SMARCA4: variants seen among roughly 807,000 people sequenced by gnomAD.
The protein encoded by SMARCA4 is SWI/SNF related BAF chromatin remodeling complex subunit ATPase 4, also known as SWI/SNF-related matrix-associated actin-dependent regulator of chromatin subfamily A member 4.
Under a neutral mutation model 193.9 loss-of-function variants are expected in SMARCA4, and 31 were observed. The observed-to-expected ratio is 0.16, with a 90% CI of 0.12 to 0.22. The LOEUF (loss-of-function observed/expected upper bound fraction) is 0.22, where lower values mean the gene tolerates loss of function less well. SMARCA4 is among the 10% of genes least tolerant of loss of function. SMARCA4 has a pLI of 1.00. For synonymous variants in SMARCA4, 942 were observed against 933.1 expected (o/e 1.01, Z -0.17); for missense variants, 1,148 against 2,296.0 (o/e 0.50, Z 10.22).
chr19:10,987,978 C>T lies in SMARCA4; in HGVS notation c.1118+54C>T, dbSNP rs2086216317. Reference sequence around the variant, plus strand: ...ACTGCCCTGTGTCCCCCATGTCCCCCTGGGGAAGCCACTCAACTTTCTCCC... The same window carrying T: ...ACTGCCCTGTGTCCCCCATGTCCCCTTGGGGAAGCCACTCAACTTTCTCCC... On this transcript the variant is annotated intron_variant, in intron 6 of 34. Transcript: ENST00000344626. This position sits in a 1 kb window ranked among gnomAD's most constrained non-coding sequence, Gnocchi z 5.3. 2 of 1,582,914 alleles carry T rather than the reference C, an allele frequency of 1.3e-6. No homozygotes were observed. Among genetic ancestry groups the T allele is most frequent in the Non-Finnish European group, 1.7e-6 (2 of 1,157,954 alleles).
chr19:10,987,404 G>T lies in SMARCA4; in HGVS notation c.860-262G>T, dbSNP rs1332219697. The stretch of plus-strand genomic sequence containing the variant: ...CTAGGAGGAGATGACAGGAAATGCT[G>T]CCATAGAGCCACAGACAGAACAAAA... On this transcript the variant is annotated intron_variant, in intron 5 of 34. Transcript: ENST00000344626. The surrounding 1 kb of genome is among the most constrained non-coding windows in gnomAD (Gnocchi z 5.3). Among the ~76,000 whole-genome samples the T allele has an allele frequency of 6.6e-6, 1 of 152,180 alleles. No homozygotes were observed. The highest frequency in any genetic ancestry group is 1.9e-4 in the East Asian group (1 of 5,192).
chr19:10,985,763 G>A lies in SMARCA4; in HGVS notation c.355+358G>A, dbSNP rs951388334. Among the ~76,000 whole-genome samples, 99 of 152,152 alleles carry A rather than the reference G, an allele frequency of 6.5e-4. No individual in the cohort carries two copies. Among genetic ancestry groups the A allele is most frequent in the African/African-American group, 2.3e-3 (97 of 41,416 alleles). ...AATGAGCCCAGCAGGTGCCTTTTCTGTACGAGGACAATTGAGAAGTGATAT... is the reference window on the plus strand; with the variant it reads ...AATGAGCCCAGCAGGTGCCTTTTCTATACGAGGACAATTGAGAAGTGATAT... On this transcript the variant is annotated intron_variant, in intron 3 of 34. Coordinates refer to ENST00000344626, the MANE Select transcript of SMARCA4 (RefSeq NM_003072.5). The surrounding 1 kb of genome is among the most constrained non-coding windows in gnomAD (Gnocchi z 4.5).
At chr19:11,008,205 G>A in intron 14 of SMARCA4, 182 bp downstream of exon 14, 1 of 631,268 alleles carries the variant, frequency 1.6e-6, no homozygotes, top group Non-Finnish European at 2.9e-6. Context: ...GGATTTAATA[G>A]AGCAATTGCA....
At chr19:11,017,197 C>G (rs115929340) in intron 16 of SMARCA4, among the ~76,000 whole-genome samples, 2 of 152,238 alleles carry the variant, frequency 1.3e-5, no homozygotes, top group Non-Finnish European at 2.9e-5. Context: ...CCTGTGTGTG[C>G]GCCCATTCTC....
rs2145723182 is a variant in SMARCA4, at chr19:10,984,250, T to C, written c.99T>C (p.Gly33=). The C allele has an allele frequency of 6.2e-7, 1 of 1,612,006 alleles. No homozygotes were observed. The highest frequency in any genetic ancestry group is 8.5e-7 in the Non-Finnish European group (1 of 1,179,376). ...GAGCCATGCTGGGCCCTAGCCCGGG[T>C]CCCTCGCCGGGCTCCGCCCACAGCA... ...SPGAMLGPSP[G]PSPGSAHSMM... is the part of the protein sequence containing the mutation. The change falls in exon 2 of 35, where the codon GGT becomes GGC. Residue 33 remains glycine, a synonymous_variant. Coordinates refer to ENST00000344626, the MANE Select transcript of SMARCA4 (RefSeq NM_003072.5). The surrounding 1 kb of genome is among the most constrained non-coding windows in gnomAD (Gnocchi z 4.3).
chr19:11,031,104 C>T lies in SMARCA4; in HGVS notation c.3546+211C>T. The stretch of plus-strand genomic sequence containing the variant: ...CCCAAAATACAAACAGCCTTTCCCT[C>T]TGATTGGGAAAGCAGTGTATAAGCC... On this transcript the variant is annotated intron_variant, in intron 25 of 34. Coordinates refer to ENST00000344626, the MANE Select transcript of SMARCA4 (RefSeq NM_003072.5). This position sits in a 1 kb window ranked among gnomAD's most constrained non-coding sequence, Gnocchi z 4.3. 1 of 612,506 alleles carries T rather than the reference C, an allele frequency of 1.6e-6. No individual in the cohort carries two copies. Among genetic ancestry groups the T allele is most frequent in the Non-Finnish European group, 2.9e-6 (1 of 339,644 alleles). 37.9% of individuals were successfully genotyped at this position (612,506 alleles called of 1,614,324 possible). A position where few individuals can be genotyped will look rare whatever the true frequency, so the allele number is the denominator to read the frequency against.
In SMARCA4 at chr19:10,987,527, G is replaced by T; in HGVS notation, c.860-139G>T. 1 of 931,502 alleles carries T rather than the reference G, an allele frequency of 1.1e-6. No homozygotes were observed. The highest frequency in any genetic ancestry group is 1.7e-6 in the Non-Finnish European group (1 of 590,844). The allele number at this position is 931,502 out of a possible 1,614,324, so 57.7% of individuals were successfully genotyped here. A position where few individuals can be genotyped will look rare whatever the true frequency, so the allele number is the denominator to read the frequency against. ...GTTGGAGCCCAAGGCAGGTGTGAAG[G>T]ACACCCCTGGGTGAAAGGTGGGAGA... On this transcript the variant is annotated intron_variant, in intron 5 of 34. Transcript: ENST00000344626. The surrounding 1 kb of genome is among the most constrained non-coding windows in gnomAD (Gnocchi z 5.3).
At chr19:11,047,347 G>A (rs575501762) in intron 30 of SMARCA4, among the ~76,000 whole-genome samples, 41 of 152,150 alleles carry the variant, frequency 2.7e-4, no homozygotes, top group Admixed American at 4.6e-4. Flanking sequence ...TGAAGACAGC[G>A]CTGATGTTCC....
intron 1 of SMARCA4, among the ~76,000 whole-genome samples, chr19:10,974,657 A>G (rs1599854084): frequency 9.5e-6 from 1 of 104,944 alleles, no homozygotes; most frequent in Non-Finnish European, 1.8e-5. Context: ...CTATGCATGG[A>G]TTAACATGCA....
chr19:10,963,310 C>T (rs1001309765), intron 1 of SMARCA4, among the ~76,000 whole-genome samples: 2 of 144,778 alleles, frequency 1.4e-5, no homozygotes, highest in African/African-American at 5.2e-5. Flanking sequence ...GAGGTGGAGG[C>T]TGCAGTGAGC....
At chr19:10,978,780 A>AAAAAAT (rs2085333697) in intron 1 of SMARCA4, among the ~76,000 whole-genome samples, 1 of 148,152 alleles carries the variant, frequency 6.7e-6, no homozygotes, top group African/African-American at 2.5e-5. Context: ...AAATACAAAA[A>AAAAAAT]ATATATATAT....
Position 11,019,157 on chromosome 19 carries a change from C to T in SMARCA4, c.2505+134C>T. The T allele has an allele frequency of 1.3e-6, 1 of 752,966 alleles. No homozygotes were observed. Among genetic ancestry groups the T allele is most frequent in the Non-Finnish European group, 2.4e-6 (1 of 419,500 alleles). The allele number at this position is 752,966 out of a possible 1,614,324, so 46.6% of individuals were successfully genotyped here. The stretch of plus-strand genomic sequence containing the variant: ...CAGTCGCATGGAGTCTCCAGGACAG[C>T]CTGGAACTCCAGTCACATGGATCCG... On this transcript the variant is annotated intron_variant, in intron 17 of 34. Transcript: ENST00000344626. This position sits in a 1 kb window ranked among gnomAD's most constrained non-coding sequence, Gnocchi z 6.1.
At position 11,031,098 on chromosome 19, in the gene SMARCA4, T is replaced by C. The variant is rs2074898077; in HGVS notation, c.3546+205T>C. 1.6e-6 allele frequency: 1 copy of C among 615,402 alleles called. No homozygotes were observed. The highest frequency in any genetic ancestry group is 2.9e-5 in the East Asian group (1 of 35,034). The allele number at this position is 615,402 out of a possible 1,614,324, so 38.1% of individuals were successfully genotyped here. On this transcript the variant is annotated intron_variant, in intron 25 of 34. Transcript: ENST00000344626. This position sits in a 1 kb window ranked among gnomAD's most constrained non-coding sequence, Gnocchi z 4.3. ...CTGTTTCCCAAAATACAAACAGCCT[T>C]TCCCTCTGATTGGGAAAGCAGTGTA...
chr19:11,013,328 T>G (rs1474675996), intron 16 of SMARCA4, among the ~76,000 whole-genome samples: 1 of 152,242 alleles, frequency 6.6e-6, no homozygotes, highest in Non-Finnish European at 1.5e-5. Context: ...TGTATCTCAC[T>G]GTGTCTTCAC....
intron 30 of SMARCA4, among the ~76,000 whole-genome samples, chr19:11,052,271 A>G (rs766449017): frequency 3.3e-5 from 5 of 152,222 alleles, no homozygotes; most frequent in Non-Finnish European, 5.9e-5. Context: ...AGATCAAAGA[A>G]TAGAAAGGTG....
In SMARCA4 at chr19:11,058,273, C is replaced by T. The variant is rs1600629850; in HGVS notation, c.4443C>T (p.Leu1481=). 1.2e-6 allele frequency: 2 copies of T among 1,612,852 alleles called. No individual in the cohort carries two copies. The highest frequency in any genetic ancestry group is 2.2e-5 in the East Asian group (1 of 44,876). Residue 1481 remains leucine, a synonymous_variant, in exon 31 of 35, where the codon CTC becomes CTT. Coordinates refer to ENST00000344626, the MANE Select transcript of SMARCA4 (RefSeq NM_003072.5). The surrounding 1 kb of genome is among the most constrained non-coding windows in gnomAD (Gnocchi z 5.8). ...KYKDSSSGRQ[L]SEVFIQLPSR... ...CTTGCAGCAGCAGTGGACGTCAGCTCAGCGAGGTCTTCATCCAGCTGCCCT... is the reference window on the plus strand; with the variant it reads ...CTTGCAGCAGCAGTGGACGTCAGCTTAGCGAGGTCTTCATCCAGCTGCCCT...
Position 11,034,016 on chromosome 19 carries a change from G to C in SMARCA4, c.3874-107G>C. 2.3e-6 allele frequency: 2 copies of C among 855,316 alleles called. No homozygotes were observed. Among genetic ancestry groups the C allele is most frequent in the Non-Finnish European group, 2.0e-6 (1 of 495,142 alleles). 53.0% of individuals were successfully genotyped at this position (855,316 alleles called of 1,614,324 possible). On this transcript the variant is annotated intron_variant, in intron 27 of 34. Coordinates refer to ENST00000344626, the MANE Select transcript of SMARCA4 (RefSeq NM_003072.5). The surrounding 1 kb of genome is among the most constrained non-coding windows in gnomAD (Gnocchi z 7.0). ...GTGGGTCCCCATCCACCGCAGCCGT[G>C]CCGGGACCACCAGCTCATTCCCACG...
chr19:11,022,190 C>A (rs931153081), intron 19 of SMARCA4, among the ~76,000 whole-genome samples: 1 of 152,148 alleles, frequency 6.6e-6, no homozygotes, highest in African/African-American at 2.4e-5. Flanking sequence ...TCGGAATGCT[C>A]GGGGCGTCTC....
Position 11,033,008 on chromosome 19 carries a change from C to A in SMARCA4, c.3547-282C>A. The A allele has an allele frequency of 1.9e-6, 1 of 538,888 alleles. No individual in the cohort carries two copies. The highest frequency in any genetic ancestry group is 3.4e-6 in the Non-Finnish European group (1 of 296,042). The allele number at this position is 538,888 out of a possible 1,614,324, so 33.4% of individuals were successfully genotyped here. Reference sequence around the variant, plus strand: ...CACGGGAGCTGCTTGAGAATATAATCCCCTGGGGGGTTGGTGCTTTCTTCC... The same window carrying A: ...CACGGGAGCTGCTTGAGAATATAATACCCTGGGGGGTTGGTGCTTTCTTCC... On this transcript the variant is annotated intron_variant, in intron 25 of 34. Transcript: ENST00000344626. The surrounding 1 kb of genome is among the most constrained non-coding windows in gnomAD (Gnocchi z 9.8).
Sources: gnomAD v4.1 joint callset for allele counts (sites outside exome capture counted in the v4.1 genomes callset) on GRCh38, gnomAD v4.1.1 for gene constraint, Gnocchi (gnomAD v3.1) non-coding constraint, MANE v1.5 for transcripts, NCBI Gene and HGNC (gene_info 2026-07-23, HGNC 2026-07-21) for gene names.